Variants in TMEM196 observed in about 807,000 individuals in gnomAD.
The protein encoded by TMEM196 is transmembrane protein 196.
A neutral mutation model predicts 20.0 loss-of-function variants in TMEM196; 17 were observed. The observed-to-expected ratio is 0.85, with a 90% CI of 0.58 to 1.27. TMEM196 has a LOEUF of 1.27. Among genes scored for constraint, TMEM196 ranks in the 50% most tolerant of loss-of-function variants. TMEM196 has a pLI of 0.00. For missense variants in TMEM196, 267 were observed against 223.0 expected, an observed-to-expected ratio of 1.20 and a Z score of -1.26; for synonymous variants, 113 against 88.9, an observed-to-expected ratio of 1.27 and a Z score of -1.52.
chr7:19,747,254 C>CAAAAAA (rs35390088), intron 1 of TMEM196, among the ~76,000 whole-genome samples: 4 of 129,024 alleles, frequency 3.1e-5, no homozygotes, highest in South Asian at 2.5e-4. Flanking sequence ...GACTCCGTCT[C>CAAAAAA]AAAAAAATAA....
chr7:19,749,269 A>G (rs995112784), intron 1 of TMEM196, among the ~76,000 whole-genome samples: 1 of 152,214 alleles, frequency 6.6e-6, no homozygotes, highest in Non-Finnish European at 1.5e-5. Flanking sequence ...CCTACTTATA[A>G]CACGTGATAC....
chr7:19,754,672 G>GA (rs71017072), intron 1 of TMEM196, among the ~76,000 whole-genome samples: 31,925 of 148,726 alleles, frequency 0.21, 3,888 homozygotes, highest in East Asian at 0.44. Flanking sequence ...AAAGGAAAAA[G>GA]AAAAAAAAAA....
rs1357335915 is a variant in TMEM196, at chr7:19,727,820, C to T, written c.204+1562G>A. Among the ~76,000 whole-genome samples, 4 of 152,150 alleles carry T rather than the reference C, an allele frequency of 2.6e-5. No homozygotes were observed. In the East Asian group the frequency reaches 7.7e-4, roughly 29 times the overall value. ...ACCTCATTAACATGTGTTAACAAAACAATCTTATCCAGGAATTAAAATGTT... is the reference window on the plus strand; with the variant it reads ...ACCTCATTAACATGTGTTAACAAAATAATCTTATCCAGGAATTAAAATGTT... On this transcript the variant is annotated intron_variant, in intron 2 of 4. Transcript: ENST00000405844.
At chr7:19,761,778 C>T (rs1785445649) in intron 1 of TMEM196, among the ~76,000 whole-genome samples, 1 of 152,132 alleles carries the variant, frequency 6.6e-6, no homozygotes. Context: ...TAGCATGTAG[C>T]TAACAGGCAT....
chr7:19,747,292 A>T (rs1485307730), intron 1 of TMEM196, among the ~76,000 whole-genome samples: 2 of 151,440 alleles, frequency 1.3e-5, no homozygotes, highest in African/African-American at 2.4e-5. Flanking sequence ...AAAATAAAAA[A>T]TAAAAATAAA....
intron 1 of TMEM196, among the ~76,000 whole-genome samples, chr7:19,740,900 C>A (rs1006886689): frequency 1.2e-4 from 18 of 152,082 alleles, no homozygotes; most frequent in African/African-American, 3.4e-4. Context: ...GAAGGCTGAG[C>A]GTAGTTTTCT....
At chr7:19,769,997 G>C (rs78472352) in intron 1 of TMEM196, among the ~76,000 whole-genome samples, 3,956 of 152,240 alleles carry the variant, frequency 0.026, 86 homozygotes, top group Middle Eastern at 0.065. Flanking sequence ...ACTTGGGCTA[G>C]TCACCCAGCT....
At chr7:19,768,134 A>C (rs900563496) in intron 1 of TMEM196, among the ~76,000 whole-genome samples, 7 of 152,120 alleles carry the variant, frequency 4.6e-5, no homozygotes, top group Admixed American at 3.9e-4. Context: ...TTTGTAGATC[A>C]AATATGCTCC....
intron 1 of TMEM196, among the ~76,000 whole-genome samples, chr7:19,747,219 C>T (rs958958868): frequency 2.0e-5 from 3 of 148,810 alleles, no homozygotes; most frequent in Non-Finnish European, 4.4e-5. Flanking sequence ...CGCGCCACTG[C>T]ACTCCAGCCT....
intron 1 of TMEM196, among the ~76,000 whole-genome samples, chr7:19,743,605 A>G (rs543606171): frequency 5.4e-4 from 83 of 152,322 alleles, no homozygotes; most frequent in Non-Finnish European, 9.7e-4. Flanking sequence ...TGGAAATAGT[A>G]AGCTAGAATG....
chr7:19,736,354 TATATATATATATATATATATA>T lies in TMEM196; in HGVS notation c.148-6937_148-6917del, dbSNP rs1562612207. Among the ~76,000 whole-genome samples the T allele has an allele frequency of 4.8e-4, 42 of 88,100 alleles. 3 individuals carry two copies. The highest frequency in any genetic ancestry group is 1.4e-3 in the African/African-American group (41 of 29,872). The allele number at this position is 88,100 out of a possible 152,430, so 57.8% of individuals were successfully genotyped here. On this transcript the variant is annotated intron_variant, in intron 1 of 4. Transcript: ENST00000405844. The stretch of plus-strand genomic sequence containing the variant: ...ATCCCACTTTTCTAGTGGTTCCTAC[TATATATATATATATATATATA>T]TATATATATATATATATATATATAT...
intron 2 of TMEM196, among the ~76,000 whole-genome samples, chr7:19,728,101 A>T (rs1583418150): frequency 6.6e-6 from 1 of 152,188 alleles, no homozygotes; most frequent in African/African-American, 2.4e-5. Flanking sequence ...TAAGAGAAAG[A>T]CAGAGAAGTG....
At chr7:19,771,123 C>A (rs887846375) in intron 1 of TMEM196, among the ~76,000 whole-genome samples, 1 of 152,064 alleles carries the variant, frequency 6.6e-6, no homozygotes, top group African/African-American at 2.4e-5. Flanking sequence ...AAAACAAGAA[C>A]AATAACTACA....
chr7:19,760,880 C>T (rs1035572901), intron 1 of TMEM196, among the ~76,000 whole-genome samples: 25 of 152,108 alleles, frequency 1.6e-4, no homozygotes, highest in African/African-American at 6.0e-4. Context: ...GGAGAGTAAG[C>T]GGGTGGCTCA....
intron 1 of TMEM196, among the ~76,000 whole-genome samples, chr7:19,753,629 A>C (rs989147036): frequency 1.3e-5 from 2 of 152,122 alleles, no homozygotes; most frequent in African/African-American, 4.8e-5. Context: ...AATTCTTCAC[A>C]CTATTCCCTA....
intron 3 of TMEM196, among the ~76,000 whole-genome samples, chr7:19,725,237 C>T (rs1003503427): frequency 6.6e-5 from 10 of 152,114 alleles, no homozygotes; most frequent in Non-Finnish European, 1.3e-4. Flanking sequence ...CAGTATAATA[C>T]ATAAAAATCC....
At chr7:19,758,220 A>G (rs1785293885) in intron 1 of TMEM196, among the ~76,000 whole-genome samples, 1 of 152,186 alleles carries the variant, frequency 6.6e-6, no homozygotes, top group Admixed American at 6.5e-5. Context: ...TTGGTTTGGA[A>G]AATATTAGCT....
At chr7:19,744,470 T>A (rs1327163213) in intron 1 of TMEM196, among the ~76,000 whole-genome samples, 2 of 152,138 alleles carry the variant, frequency 1.3e-5, no homozygotes, top group Non-Finnish European at 2.9e-5. Flanking sequence ...CAGTGTGCTT[T>A]TACTGAAATA....
At chr7:19,752,278 A>G (rs1381814204) in intron 1 of TMEM196, among the ~76,000 whole-genome samples, 1 of 152,156 alleles carries the variant, frequency 6.6e-6, no homozygotes, top group Non-Finnish European at 1.5e-5. Flanking sequence ...ATGAATCTCA[A>G]TCCTGTTTCC....
Sources: gnomAD v4.1 joint callset for allele counts (sites outside exome capture counted in the v4.1 genomes callset) on GRCh38, gnomAD v4.1.1 for gene constraint, MANE v1.5 for transcripts, NCBI Gene and HGNC (gene_info 2026-07-23, HGNC 2026-07-21) for gene names.